The following PYY variants were observed in gnomAD, a reference collection of about 807,000 sequenced individuals.
PYY encodes peptide tyrosine tyrosine.
In PYY, 12 loss-of-function variants were observed where a neutral mutation model predicts 10.3. The ratio of observed to expected loss-of-function variants is 1.17; its 90% CI spans 0.75 to 1.89. The LOEUF (loss-of-function observed/expected upper bound fraction) is 1.89, where lower values mean the gene tolerates loss of function less well. Among genes scored for constraint, PYY ranks in the 40% most tolerant of loss-of-function variants. The pLI, the probability that PYY is intolerant of heterozygous loss-of-function variation, is 0.00. For missense variants in PYY, 141 were observed against 134.0 expected (o/e 1.05, Z -0.26); for synonymous variants, 66 against 62.0 (o/e 1.06, Z -0.30).
chr17:43,971,361 T>G (rs2048791654), intron 1 of PYY, among the ~76,000 whole-genome samples: 1 of 152,080 alleles, frequency 6.6e-6, no homozygotes, highest in Non-Finnish European at 1.5e-5. Context: ...CGTGAGATCC[T>G]GAGTTCAAGA....
intron 2 of PYY, among the ~76,000 whole-genome samples, chr17:43,965,564 C>T (rs558062557): frequency 7.6e-5 from 11 of 144,810 alleles, no homozygotes; most frequent in Non-Finnish European, 1.2e-4. Context: ...CCAAGGCAGG[C>T]GGATCACTTG....
At chr17:44,002,266 C>T (rs995005710) in intron 1 of PYY, among the ~76,000 whole-genome samples, 2 of 152,176 alleles carry the variant, frequency 1.3e-5, no homozygotes, top group South Asian at 2.1e-4. Flanking sequence ...CGCACTCACT[C>T]GGCCTCCCCT....
At chr17:43,953,560 G>T in intron 1 of PYY, 77 bp from the exon 2 acceptor site, 3 of 1,357,800 alleles carry the variant, frequency 2.2e-6, no homozygotes, top group East Asian at 2.5e-5. Flanking sequence ...TGCCGTCGGG[G>T]CCGCGCTCCG....
At chr17:43,980,762 G>A (rs920449878) in intron 1 of PYY, among the ~76,000 whole-genome samples, 19 of 152,106 alleles carry the variant, frequency 1.2e-4, no homozygotes, top group Non-Finnish European at 1.3e-4. Flanking sequence ...GTGAGCCACC[G>A]CACCTGGCCA....
At chr17:43,984,107 G>A (rs1461663031) in intron 1 of PYY, among the ~76,000 whole-genome samples, 1 of 152,234 alleles carries the variant, frequency 6.6e-6, no homozygotes, top group East Asian at 1.9e-4. Flanking sequence ...CCGAGGGGGC[G>A]GCGGGGCGGC....
At chr17:43,958,012 A>G (rs2048686278), upstream of PYY, 1 of 154,436 alleles carries the variant, frequency 6.5e-6, no homozygotes, top group South Asian at 2.0e-4. Flanking sequence ...TCGCTCTAGG[A>G]CAGAGGTAGG....
intron 1 of PYY, among the ~76,000 whole-genome samples, chr17:43,969,569 T>C (rs1398480995): frequency 6.9e-6 from 1 of 145,920 alleles, no homozygotes; most frequent in Non-Finnish European, 1.5e-5. Context: ...AGAAAAACCA[T>C]TTGACAAAAA....
chr17:43,962,740 G>A (rs1342594075), intron 2 of PYY, among the ~76,000 whole-genome samples: 2 of 152,180 alleles, frequency 1.3e-5, no homozygotes, highest in African/African-American at 2.4e-5. Flanking sequence ...GTAGTCAACA[G>A]GTGTTACCTG....
At chr17:43,993,801 C>T (rs1277677710) in intron 1 of PYY, among the ~76,000 whole-genome samples, 1 of 152,050 alleles carries the variant, frequency 6.6e-6, no homozygotes, top group African/African-American at 2.4e-5. Context: ...CAATTTTCAA[C>T]ATTTTTGGTA....
At chr17:43,999,705 T>C (rs1389792940) in intron 1 of PYY, among the ~76,000 whole-genome samples, 1 of 150,904 alleles carries the variant, frequency 6.6e-6, no homozygotes, top group Admixed American at 6.6e-5. Context: ...GAGGCAGAGG[T>C]TGCAGTGAGC....
At chr17:43,970,501 T>C (rs1270452565) in intron 1 of PYY, among the ~76,000 whole-genome samples, 1 of 149,326 alleles carries the variant, frequency 6.7e-6, no homozygotes, top group Non-Finnish European at 1.5e-5. Flanking sequence ...AAGGAGACCC[T>C]GTCTAAAAAA....
At chr17:43,993,459 CAAAA>C (rs752399900) in intron 1 of PYY, among the ~76,000 whole-genome samples, 1 of 102,656 alleles carries the variant, frequency 9.7e-6, no homozygotes, top group Non-Finnish European at 2.1e-5. Flanking sequence ...ACTCCATCTC[CAAAA>C]AAAAAAAAAA....
chr17:43,967,647 G>T (rs1222110080), intron 1 of PYY, among the ~76,000 whole-genome samples: 3 of 152,222 alleles, frequency 2.0e-5, no homozygotes. Context: ...TTAGGTTCCA[G>T]ATGAGATGGA....
chr17:43,994,375 T>C (rs903532540), intron 1 of PYY, among the ~76,000 whole-genome samples: 1 of 152,072 alleles, frequency 6.6e-6, no homozygotes, highest in African/African-American at 2.4e-5. Context: ...CCGTCGGCTT[T>C]ACCCTTCCCC....
At position 43,963,624 on chromosome 17, in the gene PYY, A is replaced by AAGAG. The variant is rs1555617149; in HGVS notation, c.-218+2660_-218+2663dup. Among the ~76,000 whole-genome samples the AAGAG allele has an allele frequency of 5.7e-3, 314 of 55,206 alleles. 2 individuals carry two copies. The highest frequency in any genetic ancestry group is 0.016 in the African/African-American group (297 of 19,078). 36.2% of individuals were successfully genotyped at this position (55,206 alleles called of 152,430 possible). On this transcript the variant is annotated intron_variant, in intron 2 of 6. Coordinates refer to the PYY transcript ENST00000360085. ...AAAGAAAGAAAGAAAGAAAGAAAGA[A>AAGAG]AGAGAAAGAAAGAAAAGAGAGAACA...
At chr17:43,996,241 GC>G (rs1377294557) in intron 1 of PYY, among the ~76,000 whole-genome samples, 5 of 152,112 alleles carry the variant, frequency 3.3e-5, no homozygotes, top group African/African-American at 1.2e-4. Context: ...AAATCAGCCT[GC>G]CCAGAGAGAC....
At chr17:43,977,445 C>T (rs1252703155) in intron 1 of PYY, among the ~76,000 whole-genome samples, 1 of 152,036 alleles carries the variant, frequency 6.6e-6, no homozygotes, top group Non-Finnish European at 1.5e-5. Flanking sequence ...CCTGGACGCC[C>T]CTTGCACCAG....
chr17:43,953,222 T>C (rs2048644913), intron 2 of PYY, 33 bp from the exon 3 acceptor site: 3 of 1,600,258 alleles, frequency 1.9e-6, no homozygotes, highest in Non-Finnish European at 2.6e-6. Context: ...CGTGGTCAGA[T>C]CTGGCCACGC....
At chr17:43,976,201 A>C (rs552413760) in intron 1 of PYY, among the ~76,000 whole-genome samples, 2 of 142,480 alleles carry the variant, frequency 1.4e-5, no homozygotes, top group Admixed American at 6.9e-5. Flanking sequence ...GTATACATAT[A>C]TACATATACG....
Sources: gnomAD v4.1 joint callset for allele counts (sites outside exome capture counted in the v4.1 genomes callset) on GRCh38, gnomAD v4.1.1 for gene constraint, MANE v1.5 for transcripts, NCBI Gene and HGNC (gene_info 2026-07-23, HGNC 2026-07-21) for gene names.